SGCZ: variants seen among roughly 807,000 people sequenced by gnomAD.
The protein encoded by SGCZ is sarcoglycan zeta.
Under a neutral mutation model 41.3 loss-of-function variants are expected in SGCZ, and 40 were observed. The ratio of observed to expected loss-of-function variants is 0.97; its 90% CI spans 0.75 to 1.26. The LOEUF (loss-of-function observed/expected upper bound fraction) is 1.26. Among genes scored for constraint, SGCZ ranks in the 50% most tolerant of loss-of-function variants. The pLI is 0.00. For synonymous variants in SGCZ, 206 were observed against 137.5 expected, an observed-to-expected ratio of 1.50 and a Z score of -3.49; for missense variants, 552 against 369.8, an observed-to-expected ratio of 1.49 and a Z score of -4.04.
At chr8:14,101,566 AGTAGC>A (rs1802022051) in intron 7 of SGCZ, among the ~76,000 whole-genome samples, 1 of 151,726 alleles carries the variant, frequency 6.6e-6, no homozygotes, top group Non-Finnish European at 1.5e-5. Flanking sequence ...TGTCTGCAGG[AGTAGC>A]AACAAGATTT....
intron 7 of SGCZ, among the ~76,000 whole-genome samples, chr8:14,097,138 T>G (rs1429289542): frequency 6.6e-6 from 1 of 152,182 alleles, no homozygotes; most frequent in Non-Finnish European, 1.5e-5. Context: ...TTCTGCTAGC[T>G]TTTGAATTTG....
At chr8:15,121,011 A>G (rs1478693663) in intron 1 of SGCZ, among the ~76,000 whole-genome samples, 1 of 152,196 alleles carries the variant, frequency 6.6e-6, no homozygotes, top group Non-Finnish European at 1.5e-5. Flanking sequence ...ATCTGAACAC[A>G]TTGGATAAGT....
In SGCZ at chr8:14,842,108, T is replaced by C. The variant is rs143031925; in HGVS notation, c.40-287182A>G. Among the ~76,000 whole-genome samples the C allele has an allele frequency of 2.7e-3, 412 of 152,238 alleles. 1 individual carries two copies. Among genetic ancestry groups the C allele is most frequent in the African/African-American group, 8.7e-3 (362 of 41,534 alleles). On this transcript the variant is annotated intron_variant, in intron 1 of 7. Transcript: ENST00000382080. ...TAAAACAAAACAGAAACTTTAATGATAAATGATAAAACAAACATGAAACTT... is the reference window on the plus strand; with the variant it reads ...TAAAACAAAACAGAAACTTTAATGACAAATGATAAAACAAACATGAAACTT...
chr8:15,050,284 T>C (rs997495313), intron 1 of SGCZ, among the ~76,000 whole-genome samples: 1 of 152,166 alleles, frequency 6.6e-6, no homozygotes, highest in Non-Finnish European at 1.5e-5. Flanking sequence ...AACCCAACTG[T>C]GAGATGATAT....
chr8:14,631,658 A>G (rs1806659071), intron 1 of SGCZ, among the ~76,000 whole-genome samples: 1 of 152,148 alleles, frequency 6.6e-6, no homozygotes, highest in Non-Finnish European at 1.5e-5. Flanking sequence ...ATTACAGAAT[A>G]CTGAAAGATA....
chr8:14,219,364 T>G (rs1374757387), intron 4 of SGCZ, among the ~76,000 whole-genome samples: 1 of 152,190 alleles, frequency 6.6e-6, no homozygotes, highest in Non-Finnish European at 1.5e-5. Flanking sequence ...CAACAAAAAC[T>G]GCAATGCCTG....
At chr8:15,038,152 T>C (rs996318791) in intron 1 of SGCZ, among the ~76,000 whole-genome samples, 7 of 151,980 alleles carry the variant, frequency 4.6e-5, no homozygotes, top group African/African-American at 1.4e-4. Context: ...AACAAAAACA[T>C]TCTTGAGCAA....
At chr8:14,197,589 G>C (rs1453708280) in intron 4 of SGCZ, among the ~76,000 whole-genome samples, 2 of 151,658 alleles carry the variant, frequency 1.3e-5, no homozygotes, top group Non-Finnish European at 2.9e-5. Flanking sequence ...TAGAGAAAAA[G>C]CTTCTGTCAA....
chr8:14,288,280 T>C (rs1420621307), intron 3 of SGCZ, among the ~76,000 whole-genome samples: 3 of 152,188 alleles, frequency 2.0e-5, no homozygotes, highest in African/African-American at 4.8e-5. Flanking sequence ...TTGAAATACA[T>C]GTAACATAAA....
At chr8:15,080,709 G>C (rs1194514574) in intron 1 of SGCZ, among the ~76,000 whole-genome samples, 1 of 152,052 alleles carries the variant, frequency 6.6e-6, no homozygotes, top group Non-Finnish European at 1.5e-5. Flanking sequence ...TGCTGCCTCA[G>C]CCTCCCAAGT....
At chr8:14,365,208 A>G (rs1039437263) in intron 2 of SGCZ, among the ~76,000 whole-genome samples, 1 of 152,026 alleles carries the variant, frequency 6.6e-6, no homozygotes, top group Non-Finnish European at 1.5e-5. Flanking sequence ...TACAGATTTT[A>G]TACTTTATTA....
intron 1 of SGCZ, among the ~76,000 whole-genome samples, chr8:15,223,856 T>TTTCATTTA (rs149761777): frequency 6.7e-6 from 1 of 149,684 alleles, no homozygotes; most frequent in Non-Finnish European, 1.5e-5. Flanking sequence ...CTTTTTAAAT[T>TTTCATTTA]TTTATTTATT....
intron 2 of SGCZ, among the ~76,000 whole-genome samples, chr8:14,377,502 ATTATTT>A (rs1804177224): frequency 6.6e-6 from 1 of 150,552 alleles, no homozygotes; most frequent in Non-Finnish European, 1.5e-5. Flanking sequence ...ATTTTTTTTT[ATTATTT>A]TTATTTTTTT....
intron 1 of SGCZ, among the ~76,000 whole-genome samples, chr8:14,809,087 G>C (rs968251858): frequency 1.4e-5 from 2 of 146,612 alleles, no homozygotes; most frequent in Admixed American, 6.7e-5. Flanking sequence ...TTGTGGGGTG[G>C]GTGGAGGGGG....
chr8:14,980,804 G>C (rs1218321226), intron 1 of SGCZ, among the ~76,000 whole-genome samples: 5 of 152,102 alleles, frequency 3.3e-5, no homozygotes, highest in Admixed American at 2.6e-4. Context: ...ATGAGATATG[G>C]GTGGGGACAC....
At chr8:14,551,538 ATAT>A (rs1803843404) in intron 2 of SGCZ, among the ~76,000 whole-genome samples, 1 of 5,252 alleles carries the variant, frequency 1.9e-4, no homozygotes, top group Non-Finnish European at 4.0e-4. Flanking sequence ...TATATAATAT[ATAT>A]AATATATATA....
chr8:15,038,419 C>T (rs1360077485), intron 1 of SGCZ, among the ~76,000 whole-genome samples: 1 of 151,802 alleles, frequency 6.6e-6, no homozygotes, highest in Non-Finnish European at 1.5e-5. Flanking sequence ...AACAATGAAA[C>T]TAGACCCCTA....
chr8:15,188,095 A>G (rs908233170), intron 1 of SGCZ, among the ~76,000 whole-genome samples: 1 of 152,046 alleles, frequency 6.6e-6, no homozygotes, highest in Non-Finnish European at 1.5e-5. Context: ...CTACATAATA[A>G]TCTCCATTTT....
chr8:14,665,157 C>A (rs928270611), intron 1 of SGCZ, among the ~76,000 whole-genome samples: 2 of 152,002 alleles, frequency 1.3e-5, no homozygotes, highest in Admixed American at 6.6e-5. Flanking sequence ...TGCTATCCCT[C>A]CCCCCTCTCC....
Sources: gnomAD v4.1 joint callset for allele counts (sites outside exome capture counted in the v4.1 genomes callset) on GRCh38, gnomAD v4.1.1 for gene constraint, MANE v1.5 for transcripts, NCBI Gene and HGNC (gene_info 2026-07-23, HGNC 2026-07-21) for gene names.